Variants in ROBO1 observed in about 807,000 individuals in gnomAD.
The protein encoded by ROBO1 is roundabout guidance receptor 1.
A neutral mutation model predicts 195.9 loss-of-function variants in ROBO1; 149 were observed. The observed-to-expected ratio is 0.76, with a 90% CI of 0.67 to 0.87. ROBO1 has a LOEUF of 0.87. Ranked by LOEUF, ROBO1 falls within the 40% of genes least tolerant of loss-of-function variation. ROBO1 has a pLI of 0.00. For missense variants in ROBO1, 1,933 were observed against 2,068.3 expected (o/e 0.93, Z 1.27); for synonymous variants, 816 against 733.2 (o/e 1.11, Z -1.82).
chr3:79,033,472 T>C (rs1174548800), intron 3 of ROBO1, among the ~76,000 whole-genome samples: 1 of 152,150 alleles, frequency 6.6e-6, no homozygotes, highest in Non-Finnish European at 1.5e-5. Flanking sequence ...TATATAATGG[T>C]GTGTAAATTC....
In ROBO1 at chr3:78,714,450, A is replaced by T; in HGVS notation, c.992T>A (p.Val331Asp). ...TAGDMGSYTC[V>D]AENMVGKAEA... ...AGCTTTGCCCACCATATTTTCTGCA[A>T]CACAAGTGTATGAACCCATGTCACC... Residue 331 changes from valine to aspartate, a missense_variant, in exon 8 of 31, where the codon GTT (valine) becomes GAT (aspartate). Val to Asp is a radical substitution (Grantham distance 152). This residue lies in a region of ROBO1 where 1,737 missense variants were observed against 1,882.5 expected (regional missense o/e 0.92). Transcript: ENST00000464233. 1 of 1,613,558 alleles carries T rather than the reference A, an allele frequency of 6.2e-7. No homozygotes were observed. Among genetic ancestry groups the T allele is most frequent in the Non-Finnish European group, 8.5e-7 (1 of 1,179,626 alleles).
intron 3 of ROBO1, among the ~76,000 whole-genome samples, chr3:78,957,518 T>C (rs765621015): frequency 6.6e-6 from 1 of 152,196 alleles, no homozygotes; most frequent in Non-Finnish European, 1.5e-5. Flanking sequence ...AAGTTGTGTA[T>C]GCAGAACTGC....
chr3:79,395,839 A>T (rs1385736116), intron 2 of ROBO1, among the ~76,000 whole-genome samples: 1 of 151,970 alleles, frequency 6.6e-6, no homozygotes, highest in East Asian at 1.9e-4. Context: ...CTCTCAATGG[A>T]TACACAGTTT....
intron 2 of ROBO1, among the ~76,000 whole-genome samples, chr3:79,266,373 G>A (rs2029946190): frequency 6.6e-6 from 1 of 151,538 alleles, no homozygotes; most frequent in East Asian, 1.9e-4. Flanking sequence ...TTGGTCATGT[G>A]AAAATTACAA....
intron 2 of ROBO1, among the ~76,000 whole-genome samples, chr3:79,455,693 A>G (rs1421901134): frequency 6.6e-6 from 1 of 152,086 alleles, no homozygotes; most frequent in Non-Finnish European, 1.5e-5. Context: ...AGATGCATGC[A>G]CTGGCTGTTT....
At chr3:79,266,109 C>T (rs1036441925) in intron 2 of ROBO1, among the ~76,000 whole-genome samples, 5 of 151,382 alleles carry the variant, frequency 3.3e-5, no homozygotes, top group Non-Finnish European at 7.4e-5. Flanking sequence ...CTATTATATG[C>T]ACATGTATAT....
chr3:79,431,805 A>C (rs543053259), intron 2 of ROBO1, among the ~76,000 whole-genome samples: 1 of 152,280 alleles, frequency 6.6e-6, no homozygotes, highest in Non-Finnish European at 1.5e-5. Context: ...TATGTCAGTG[A>C]ATTGAAAATG....
chr3:79,459,552 T>C (rs2107250047), intron 2 of ROBO1, among the ~76,000 whole-genome samples: 1 of 152,000 alleles, frequency 6.6e-6, no homozygotes, highest in East Asian at 1.9e-4. Flanking sequence ...GACTTATTAA[T>C]TCTCCGCATG....
intron 4 of ROBO1, among the ~76,000 whole-genome samples, chr3:78,774,801 T>C (rs1576139172): frequency 6.6e-6 from 1 of 152,176 alleles, no homozygotes; most frequent in Non-Finnish European, 1.5e-5. Flanking sequence ...CTATTTACTA[T>C]GTAAATAAAA....
At chr3:79,759,039 A>C (rs2107511887) in intron 1 of ROBO1, among the ~76,000 whole-genome samples, 1 of 152,308 alleles carries the variant, frequency 6.6e-6, no homozygotes, top group East Asian at 1.9e-4. Flanking sequence ...CATTGGCTAA[A>C]CCAGGCCATT....
At chr3:79,752,020 A>G (rs983242048) in intron 1 of ROBO1, among the ~76,000 whole-genome samples, 4 of 152,150 alleles carry the variant, frequency 2.6e-5, no homozygotes, top group Non-Finnish European at 5.9e-5. Flanking sequence ...AAACGAAAAC[A>G]ATATGTCCCT....
Position 78,698,640 on chromosome 3 carries a change from C to G in ROBO1, c.1046-9868G>C, listed in dbSNP as rs1404576495. The stretch of plus-strand genomic sequence containing the variant: ...GCCAATGATACTGACAAACATCCTA[C>G]AAAGCCCAAGACAACGTCCCAAAGC... On this transcript the variant is annotated intron_variant, in intron 8 of 30. Transcript: ENST00000464233. Among the ~76,000 whole-genome samples, 3 of 152,138 alleles carry G rather than the reference C, an allele frequency of 2.0e-5. No individual in the cohort carries two copies. The South Asian group carries it at 6.2e-4, about 31-fold the overall frequency.
chr3:79,198,227 A>G (rs1233650078), intron 2 of ROBO1, among the ~76,000 whole-genome samples: 1 of 152,078 alleles, frequency 6.6e-6, no homozygotes, highest in Non-Finnish European at 1.5e-5. Flanking sequence ...AGGTGTAAGG[A>G]AGGGATCCAG....
intron 2 of ROBO1, among the ~76,000 whole-genome samples, chr3:79,315,051 T>C (rs760172737): frequency 3.9e-5 from 6 of 152,204 alleles, no homozygotes; most frequent in Non-Finnish European, 8.8e-5. Flanking sequence ...TAGGCCCTTA[T>C]GGTCATTGTA....
rs143412005 is a variant in ROBO1 at position 78,801,889 on chromosome 3, G to A, written c.500-54989C>T. Among the ~76,000 whole-genome samples the A allele has an allele frequency of 2.9e-3, 439 of 152,224 alleles. 5 individuals are homozygous for A. Among genetic ancestry groups the A allele is most frequent in the African/African-American group, 9.7e-3 (402 of 41,564 alleles). On this transcript the variant is annotated intron_variant, in intron 4 of 30. Transcript: ENST00000464233. ...AAAACAAGAACAGGAAACACTTCCT[G>A]TGGATTTGTGACAATTTTGTAGGGC... is the stretch of plus-strand genomic sequence containing the variant.
At chr3:78,685,470 C>T (rs976570669) in intron 10 of ROBO1, among the ~76,000 whole-genome samples, 4 of 151,776 alleles carry the variant, frequency 2.6e-5, no homozygotes, top group African/African-American at 7.3e-5. Context: ...TTTGTTTTTC[C>T]AAAACATAGA....
chr3:78,897,622 C>G (rs1170896461), intron 4 of ROBO1, among the ~76,000 whole-genome samples: 1 of 40,858 alleles, frequency 2.4e-5, no homozygotes, highest in Non-Finnish European at 4.7e-5. Flanking sequence ...AAATGGCTAT[C>G]AGCCCTTTTT....
chr3:79,456,999 G>C (rs2039638560), intron 2 of ROBO1, among the ~76,000 whole-genome samples: 1 of 152,116 alleles, frequency 6.6e-6, no homozygotes, highest in African/African-American at 2.4e-5. Flanking sequence ...ACAAATAACA[G>C]CTTAAAATAT....
chr3:78,631,458 G>A (rs1705183093), intron 24 of ROBO1, among the ~76,000 whole-genome samples, 153 bp from the exon 25 acceptor site: 1 of 152,042 alleles, frequency 6.6e-6, no homozygotes, highest in South Asian at 2.1e-4. Flanking sequence ...ACAGAACTTT[G>A]TACAAGAGAA....
Sources: gnomAD v4.1 joint callset for allele counts (sites outside exome capture counted in the v4.1 genomes callset) on GRCh38, gnomAD v4.1.1 for gene constraint, gnomAD v4.1.1 regional missense constraint, MANE v1.5 for transcripts, NCBI Gene and HGNC (gene_info 2026-07-23, HGNC 2026-07-21) for gene names.